PCDHGA2: variants seen among roughly 807,000 people sequenced by gnomAD.
The protein encoded by PCDHGA2 is protocadherin gamma subfamily A, 2, also known as protocadherin gamma-A2.
Under a neutral mutation model 59.2 loss-of-function variants are expected in PCDHGA2, and 40 were observed. The ratio of observed to expected loss-of-function variants is 0.68; its 90% CI spans 0.52 to 0.88. The LOEUF is 0.88. Ranked by LOEUF, PCDHGA2 falls within the 40% of genes least tolerant of loss-of-function variation. The pLI, the probability that PCDHGA2 is intolerant of heterozygous loss-of-function variation, is 0.00. For missense variants in PCDHGA2, 1,226 were observed against 1,204.0 expected (o/e 1.02, Z -0.27); for synonymous variants, 560 against 526.0 (o/e 1.06, Z -0.89).
At chr5:141,456,142 C>A (rs1258425044) in intron 1 of PCDHGA2, among the ~76,000 whole-genome samples, 1 of 152,052 alleles carries the variant, frequency 6.6e-6, no homozygotes, top group Non-Finnish European at 1.5e-5. Flanking sequence ...CCTGATCCGC[C>A]CGCCTCGGCC....
At chr5:141,351,597 C>G in intron 1 of PCDHGA2, 4 of 1,614,084 alleles carry the variant, frequency 2.5e-6, no homozygotes, top group Non-Finnish European at 3.4e-6. Flanking sequence ...GACAATGCAC[C>G]TGTTTTCCAT....
chr5:141,385,991 T>C (rs1044328038), intron 1 of PCDHGA2: 1 of 152,222 alleles, frequency 6.6e-6, no homozygotes, highest in East Asian at 1.9e-4. Context: ...ATATGTCAAA[T>C]AAAATGTCAT....
At chr5:141,452,511 A>G (rs573632978) in intron 1 of PCDHGA2, among the ~76,000 whole-genome samples, 1 of 152,056 alleles carries the variant, frequency 6.6e-6, no homozygotes, top group South Asian at 2.1e-4. Context: ...TTGTACACAC[A>G]CTCCCTCAAA....
chr5:141,347,171 CTTTCTT>C (rs1561493541), intron 1 of PCDHGA2, among the ~76,000 whole-genome samples: 4 of 144,296 alleles, frequency 2.8e-5, no homozygotes, highest in African/African-American at 1.0e-4. Context: ...TTCTTTCTTT[CTTTCTT>C]TCTTGACAGG....
chr5:141,455,690 C>A (rs1209152869), intron 1 of PCDHGA2, among the ~76,000 whole-genome samples: 1 of 152,064 alleles, frequency 6.6e-6, no homozygotes, highest in East Asian at 1.9e-4. Context: ...CTGTGGGAAT[C>A]GCCAAGTTGA....
intron 1 of PCDHGA2, among the ~76,000 whole-genome samples, chr5:141,457,444 G>T (rs1253183319): frequency 6.6e-6 from 1 of 152,134 alleles, no homozygotes; most frequent in African/African-American, 2.4e-5. Context: ...AGCTGCAGAA[G>T]ATCACCACTT....
At chr5:141,415,352 C>T in intron 1 of PCDHGA2, 1 of 1,614,228 alleles carries the variant, frequency 6.2e-7, no homozygotes, top group Non-Finnish European at 8.5e-7. Context: ...TGGCACAAGT[C>T]ACGCCTGCTG....
intron 1 of PCDHGA2, chr5:141,427,685 C>T: frequency 1.2e-6 from 1 of 852,116 alleles, no homozygotes; most frequent in Non-Finnish European, 1.9e-6. Context: ...TTCCCGGAGC[C>T]TCCATCCCAC....
At chr5:141,392,799 T>A in intron 1 of PCDHGA2, 1 of 1,570,210 alleles carries the variant, frequency 6.4e-7, no homozygotes, top group Non-Finnish European at 8.6e-7. Flanking sequence ...GAGAGGATTC[T>A]GCAGCAAAAC....
At chr5:141,451,557 G>T (rs192150041) in intron 1 of PCDHGA2, among the ~76,000 whole-genome samples, 2 of 152,234 alleles carry the variant, frequency 1.3e-5, no homozygotes, top group East Asian at 3.9e-4. Context: ...TGTGATGAAA[G>T]CCACAATCTT....
At chr5:141,389,169 C>T in intron 1 of PCDHGA2, 2 of 1,614,028 alleles carry the variant, frequency 1.2e-6, no homozygotes, top group Non-Finnish European at 1.7e-6. Context: ...GGGCAAGCCT[C>T]CCCTCTCCTC....
chr5:141,500,493 G>A (rs1239876467), intron 2 of PCDHGA2, among the ~76,000 whole-genome samples: 1 of 152,166 alleles, frequency 6.6e-6, no homozygotes, highest in Admixed American at 6.5e-5. Context: ...ACAGGCGTGA[G>A]CCACCGCGCC....
intron 1 of PCDHGA2, chr5:141,385,096 G>T (rs746092295): frequency 6.2e-7 from 1 of 1,614,190 alleles, no homozygotes; most frequent in Non-Finnish European, 8.5e-7. Context: ...AGGTGGCTTG[G>T]CGAACGTGCC....
chr5:141,399,937 G>A lies in PCDHGA2; in HGVS notation c.2424+58542G>A. 1.9e-6 allele frequency: 3 copies of A among 1,612,360 alleles called. No individual in the cohort carries two copies. The highest frequency in any genetic ancestry group is 2.5e-6 in the Non-Finnish European group (3 of 1,179,744). ...ACACAACGCCTGGCTGTCCTACCAC[G>A]TGCTGCAGGCTAGCGAGCCCGGGCT... On this transcript the variant is annotated intron_variant, in intron 1 of 3. Transcript: ENST00000394576.
At chr5:141,418,147 C>A (rs781655205) in intron 1 of PCDHGA2, 3 of 1,614,040 alleles carry the variant, frequency 1.9e-6, no homozygotes, top group Non-Finnish European at 2.5e-6. Flanking sequence ...AGCAAATATG[C>A]AAAGAGAGAA....
At chr5:141,367,515 A>C (rs998835316) in intron 1 of PCDHGA2, 2 of 151,238 alleles carry the variant, frequency 1.3e-5, no homozygotes, top group African/African-American at 2.4e-5. Flanking sequence ...CCAGCCTGGG[A>C]GACAGAACGA....
chr5:141,395,556 G>A (rs1041230837), intron 1 of PCDHGA2: 1 of 97,434 alleles, frequency 1.0e-5, no homozygotes, highest in East Asian at 1.8e-4. Context: ...GTGTGTGTGT[G>A]TGTGTGTGTG....
intron 1 of PCDHGA2, chr5:141,350,617 A>T: frequency 6.2e-7 from 1 of 1,614,050 alleles, no homozygotes; most frequent in Non-Finnish European, 8.5e-7. Flanking sequence ...TGGTTGTTGT[A>T]ATCCAAGATA....
chr5:141,411,765 T>A (rs796485295), intron 1 of PCDHGA2: 1 of 152,418 alleles, frequency 6.6e-6, no homozygotes, highest in South Asian at 2.1e-4. Context: ...GCCTGTGGTC[T>A]CAGCTACTCT....
Sources: allele counts gnomAD v4.1 joint callset (sites outside exome capture counted in the v4.1 genomes callset), GRCh38; gene constraint gnomAD v4.1.1; transcripts MANE v1.5; gene names NCBI Gene and HGNC (gene_info 2026-07-23, HGNC 2026-07-21).